ST18: variants seen among roughly 807,000 people sequenced by gnomAD.
The protein encoded by ST18 is ST18 C2H2C-type zinc finger transcription factor.
ST18 carries 50 observed loss-of-function variants against 110.0 expected under a neutral mutation model. The ratio of observed to expected loss-of-function variants is 0.45; its 90% CI spans 0.36 to 0.58. ST18 has a LOEUF of 0.58. Ranked by LOEUF, ST18 falls within the 20% of genes least tolerant of loss-of-function variation. ST18 has a pLI of 0.00. For missense variants in ST18, 1,306 were observed against 1,280.1 expected (o/e 1.02, Z -0.31); for synonymous variants, 461 against 452.4 (o/e 1.02, Z -0.24).
chr8:52,182,900 C>A (rs957783116), intron 8 of ST18, among the ~76,000 whole-genome samples: 1 of 152,056 alleles, frequency 6.6e-6, no homozygotes, highest in African/African-American at 2.4e-5. Flanking sequence ...AAAAATTGGT[C>A]ATTAAAAAAA....
intron 2 of ST18, among the ~76,000 whole-genome samples, chr8:52,341,865 G>A (rs6995393): frequency 0.085 from 3,400 of 40,062 alleles, 134 homozygotes; most frequent in African/African-American, 0.21. Flanking sequence ...CAGGGGAGGG[G>A]ACAGCTGGTG....
intron 8 of ST18, among the ~76,000 whole-genome samples, chr8:52,195,645 G>C (rs77506437): frequency 0.041 from 6,165 of 152,104 alleles, 160 homozygotes; most frequent in East Asian, 0.084. Context: ...ATAAGTACTG[G>C]GTTTTATTAT....
chr8:52,166,544 C>G (rs1212286384), intron 11 of ST18, among the ~76,000 whole-genome samples: 1 of 152,190 alleles, frequency 6.6e-6, no homozygotes, highest in East Asian at 1.9e-4. Flanking sequence ...TCCGCACTCC[C>G]TCTACCCCTG....
At position 52,194,103 on chromosome 8, in the gene ST18, G is replaced by A. The variant is rs547270123; in HGVS notation, c.87-13791C>T. 2.0e-5 allele frequency among the ~76,000 whole-genome samples: 3 copies of A among 152,216 alleles called. No individual in the cohort carries two copies. In the East Asian group the frequency reaches 5.8e-4, roughly 29 times the overall value. On this transcript the variant is annotated intron_variant, in intron 8 of 25. Transcript: ENST00000689386. Reference sequence around the variant, plus strand: ...TTTTTTCTCATTTAGTTGGGACTAAGTTTTATAAATAATAAATTAATTGCA... The same window carrying A: ...TTTTTTCTCATTTAGTTGGGACTAAATTTTATAAATAATAAATTAATTGCA...
chr8:52,213,389 C>T (rs2082920671), intron 7 of ST18, among the ~76,000 whole-genome samples: 1 of 151,396 alleles, frequency 6.6e-6, no homozygotes, highest in Non-Finnish European at 1.5e-5. Context: ...TCTCAACACC[C>T]TCCTAAAGGG....
Position 52,113,165 on chromosome 8 carries a change from T to C in ST18, c.*33A>G, listed in dbSNP as rs547566971. 3.1e-6 allele frequency: 5 copies of C among 1,611,780 alleles called. No individual in the cohort carries two copies. The South Asian group carries it at 3.3e-5, about 11-fold the overall frequency. On this transcript the variant is annotated 3_prime_UTR_variant, in exon 26 of 26. Coordinates refer to ENST00000689386, the MANE Select transcript of ST18 (RefSeq NM_001352837.2). ...AGATCCATCTGGAGTTTACTGCTGT[T>C]GGTAACTTCTGTTGCCCGGCAGCGC...
chr8:52,150,511 T>C (rs1360069552), intron 15 of ST18, among the ~76,000 whole-genome samples: 1 of 152,204 alleles, frequency 6.6e-6, no homozygotes, highest in Non-Finnish European at 1.5e-5. Context: ...AATATTAAAC[T>C]AATATAAAAG....
At chr8:52,308,065 C>A (rs969472527) in intron 2 of ST18, among the ~76,000 whole-genome samples, 2 of 152,186 alleles carry the variant, frequency 1.3e-5, no homozygotes, top group African/African-American at 2.4e-5. Context: ...TACTTTGGAA[C>A]CGTGTTGAAG....
At chr8:52,297,788 G>A (rs1000563917) in intron 2 of ST18, among the ~76,000 whole-genome samples, 2 of 152,076 alleles carry the variant, frequency 1.3e-5, no homozygotes, top group African/African-American at 2.4e-5. Flanking sequence ...AGTCACATAC[G>A]AAGAAAGCCA....
chr8:52,248,023 A>T (rs1199270822), intron 2 of ST18, among the ~76,000 whole-genome samples: 3 of 152,132 alleles, frequency 2.0e-5, no homozygotes, highest in African/African-American at 7.2e-5. Context: ...AATTATATAA[A>T]CAAAATAAAT....
At chr8:52,344,888 TA>T in intron 2 of ST18, among the ~76,000 whole-genome samples, 1 of 152,350 alleles carries the variant, frequency 6.6e-6, no homozygotes, top group East Asian at 1.9e-4. Context: ...CACTTTATTT[TA>T]TTATTTGATT....
intron 9 of ST18, among the ~76,000 whole-genome samples, chr8:52,179,921 T>C (rs1262204049): frequency 6.6e-6 from 1 of 152,212 alleles, no homozygotes; most frequent in African/African-American, 2.4e-5. Context: ...TGTTGCTTAT[T>C]TATGGACCCT....
At chr8:52,407,433 A>C (rs1844898849) in intron 2 of ST18, 1 of 145,884 alleles carries the variant, frequency 6.9e-6, no homozygotes, top group Admixed American at 7.2e-5. Flanking sequence ...CACGAATCTG[A>C]ATTTGTGATT....
At chr8:52,245,003 C>T (rs147087006) in intron 2 of ST18, among the ~76,000 whole-genome samples, 1,730 of 152,194 alleles carry the variant, frequency 0.011, 35 homozygotes, top group African/African-American at 0.039. Context: ...ATATTGTCAG[C>T]CTCAATCTTT....
intron 2 of ST18, among the ~76,000 whole-genome samples, chr8:52,278,685 T>C (rs931813506): frequency 6.6e-6 from 1 of 152,042 alleles, no homozygotes; most frequent in African/African-American, 2.4e-5. Flanking sequence ...CAAGAGTAAC[T>C]GAAAGAAAAC....
At chr8:52,190,860 A>G (rs560154938) in intron 8 of ST18, among the ~76,000 whole-genome samples, 2 of 152,210 alleles carry the variant, frequency 1.3e-5, no homozygotes, top group Non-Finnish European at 2.9e-5. Context: ...GAGATGGAAG[A>G]TAAGTCGAAC....
intron 3 of ST18, among the ~76,000 whole-genome samples, chr8:52,229,366 AT>A (rs1326516930): frequency 6.6e-6 from 1 of 152,194 alleles, no homozygotes; most frequent in East Asian, 1.9e-4. Context: ...GGGAGAATGC[AT>A]TTCCTCACTC....
At chr8:52,204,875 T>C (rs2079378585) in intron 8 of ST18, among the ~76,000 whole-genome samples, 1 of 152,162 alleles carries the variant, frequency 6.6e-6, no homozygotes, top group South Asian at 2.1e-4. Flanking sequence ...AGGCCACCAA[T>C]ATCCTTGTGA....
chr8:52,161,254 T>C, intron 14 of ST18, 121 bp downstream of exon 14: 1 of 943,578 alleles, frequency 1.1e-6, no homozygotes, highest in Non-Finnish European at 1.5e-6. Flanking sequence ...ATATATTTTC[T>C]CTCCTGCCAG....
Sources: allele counts gnomAD v4.1 joint callset (sites outside exome capture counted in the v4.1 genomes callset), GRCh38; gene constraint gnomAD v4.1.1; transcripts MANE v1.5; gene names NCBI Gene and HGNC (gene_info 2026-07-23, HGNC 2026-07-21).